DPCD: variants seen among roughly 807,000 people sequenced by gnomAD.
The protein encoded by DPCD is protein DPCD.
A neutral mutation model predicts 26.4 loss-of-function variants in DPCD; 20 were observed. That is an observed-to-expected ratio of 0.76 (90% CI 0.53 to 1.10). The LOEUF (loss-of-function observed/expected upper bound fraction) is 1.10. DPCD is among the 50% of genes least tolerant of loss of function. The pLI is 0.00. For synonymous variants in DPCD, 97 were observed against 94.2 expected (o/e 1.03, Z -0.17); for missense variants, 202 against 253.9 (o/e 0.80, Z 1.39).
chr10:101,592,196 C>G (rs1418056968), intron 1 of DPCD, among the ~76,000 whole-genome samples: 1 of 151,984 alleles, frequency 6.6e-6, no homozygotes, highest in Non-Finnish European at 1.5e-5. Flanking sequence ...AAGGCAGTAA[C>G]CACAAAGAAA....
At position 101,601,346 on chromosome 10, in the gene DPCD, G is replaced by C; in HGVS notation, c.404+10G>C. On this transcript the variant is annotated intron_variant, in intron 4 of 5. Transcript: ENST00000370151. The stretch of plus-strand genomic sequence containing the variant: ...GAACAACCAACAAGAAGTGAGTAGC[G>C]TGGAAGGCACCCTGTGTGCTTGTGT... 6.2e-7 allele frequency: 1 copy of C among 1,613,388 alleles called. No individual in the cohort carries two copies. Among genetic ancestry groups the C allele is most frequent in the Non-Finnish European group, 8.5e-7 (1 of 1,179,652 alleles).
Position 101,600,932 on chromosome 10 carries a change from G to T in DPCD, c.270+70G>T. ...TGGGCTGTGGGCTGCTGGCTCTTGA[G>T]GGCAGGGACCATGTCTTGTTCACCT... On this transcript the variant is annotated intron_variant, in intron 3 of 5. Coordinates refer to ENST00000370151, the MANE Select transcript of DPCD (RefSeq NM_015448.3). The surrounding 1 kb of genome is among the most constrained non-coding windows in gnomAD (Gnocchi z 4.7). 6.2e-7 allele frequency: 1 copy of T among 1,606,014 alleles called. No homozygotes were observed. Among genetic ancestry groups the T allele is most frequent in the South Asian group, 1.1e-5 (1 of 90,078 alleles).
Position 101,600,969 on chromosome 10 carries a change from G to C in DPCD, c.270+107G>C. On this transcript the variant is annotated intron_variant, in intron 3 of 5. Transcript: ENST00000370151. This position sits in a 1 kb window ranked among gnomAD's most constrained non-coding sequence, Gnocchi z 4.7. ...TGTCTTGTTCACCTCCTCGCCTCCA[G>C]TGTGCCACCTGGACACAGCACTCTA... 1.9e-6 allele frequency: 3 copies of C among 1,558,472 alleles called. No homozygotes were observed. Among genetic ancestry groups the C allele is most frequent in the Non-Finnish European group, 2.6e-6 (3 of 1,153,402 alleles).
Position 101,601,289 on chromosome 10 carries a change from T to C in DPCD, c.357T>C (p.Ser119=). 1 of 1,613,848 alleles carries C rather than the reference T, an allele frequency of 6.2e-7. No homozygotes were observed. The highest frequency in any genetic ancestry group is 8.5e-7 in the Non-Finnish European group (1 of 1,179,918). ...ATCCTAAGGATGTCTATAGTGTCTC[T>C]GTGGACCAGAAGGAGCGCTGCATCA... ...LPYPKDVYSV[S]VDQKERCIIV... The change falls in exon 4 of 6, where the codon TCT becomes TCC. Residue 119 remains serine (S), a synonymous_variant. Coordinates refer to ENST00000370151, the MANE Select transcript of DPCD (RefSeq NM_015448.3).
intron 2 of DPCD, among the ~76,000 whole-genome samples, chr10:101,597,948 TC>T (rs1478078983): frequency 6.6e-6 from 1 of 152,228 alleles, no homozygotes; most frequent in African/African-American, 2.4e-5. Flanking sequence ...GAGACTTTCT[TC>T]TACATTCTAA....
At chr10:101,605,360 G>A in intron 4 of DPCD, 1 of 1,238,612 alleles carries the variant, frequency 8.1e-7, no homozygotes, top group Non-Finnish European at 1.1e-6. Flanking sequence ...AGAGAGTGGT[G>A]GGAGGCAATA....
At chr10:101,598,316 T>C (rs901738486) in intron 2 of DPCD, among the ~76,000 whole-genome samples, 97 of 152,146 alleles carry the variant, frequency 6.4e-4, no homozygotes, top group African/African-American at 2.3e-3. Flanking sequence ...GCTTACCCTT[T>C]AAAGGCCAAA....
At chr10:101,589,427 G>A (rs1554919257) in intron 1 of DPCD, among the ~76,000 whole-genome samples, 3 of 152,284 alleles carry the variant, frequency 2.0e-5, no homozygotes, top group Non-Finnish European at 2.9e-5. Context: ...CCCAACAGAA[G>A]TGATGATGTT....
At chr10:101,589,772 T>C (rs555903828) in intron 1 of DPCD, among the ~76,000 whole-genome samples, 1 of 152,270 alleles carries the variant, frequency 6.6e-6, no homozygotes, top group South Asian at 2.1e-4. Context: ...TAATTCCAGC[T>C]ACTCTGGAGG....
At chr10:101,593,263 A>G (rs775250540) in intron 1 of DPCD, among the ~76,000 whole-genome samples, 1 of 152,120 alleles carries the variant, frequency 6.6e-6, no homozygotes, top group Non-Finnish European at 1.5e-5. Context: ...AGCCATCCAA[A>G]TGATTAAGGG....
intron 4 of DPCD, chr10:101,605,056 T>C (rs965376105): frequency 6.5e-7 from 1 of 1,542,756 alleles, no homozygotes; most frequent in Non-Finnish European, 8.8e-7. Context: ...TGTGACTGTC[T>C]AGCAGGGGGC....
chr10:101,588,780 C>G (rs1201648486), intron 1 of DPCD: 4 of 667,866 alleles, frequency 6.0e-6, no homozygotes, highest in African/African-American at 3.9e-5. Flanking sequence ...GGCCTGGGCT[C>G]TAGTTCCGAC....
Position 101,607,645 on chromosome 10 carries a change from G to A in DPCD, c.405-1190G>A, listed in dbSNP as rs189052330. ...CCCAGGGCATAGGGGCTTTTGAAGT[G>A]GACTCAGGGTAGCTGTCACCACAAG... On this transcript the variant is annotated intron_variant, in intron 4 of 5. Coordinates refer to ENST00000370151, the MANE Select transcript of DPCD (RefSeq NM_015448.3). Among the ~76,000 whole-genome samples, 399 of 152,156 alleles carry A rather than the reference G, an allele frequency of 2.6e-3. 2 individuals carry two copies. Among genetic ancestry groups the A allele is most frequent in the South Asian group, 4.0e-3 (19 of 4,808 alleles).
At chr10:101,602,038 G>A (rs1356464135) in intron 4 of DPCD, among the ~76,000 whole-genome samples, 4 of 152,180 alleles carry the variant, frequency 2.6e-5, no homozygotes, top group Non-Finnish European at 5.9e-5. Context: ...AGCCCTGACT[G>A]ATCACAGGAG....
rs533868892 is a variant in DPCD, at chr10:101,609,485, C to T, written c.*14C>T. The T allele has an allele frequency of 1.9e-6, 3 of 1,611,192 alleles. No individual in the cohort carries two copies. In the South Asian group the frequency reaches 3.3e-5, roughly 18 times the overall value. On this transcript the variant is annotated 3_prime_UTR_variant, in exon 6 of 6. Transcript: ENST00000370151. ...AAGACCCAGTAGTTGGCCCCTGAGC[C>T]TTATACCTCCACCACAGGGGGTGCC...
At chr10:101,608,045 A>C (rs1589730503) in intron 4 of DPCD, among the ~76,000 whole-genome samples, 2 of 152,290 alleles carry the variant, frequency 1.3e-5, no homozygotes, top group East Asian at 1.9e-4. Context: ...AGGGGGGTCA[A>C]ATTTCCTGCA....
At chr10:101,604,285 A>AAAGTTAGTG (rs1394532819) in intron 4 of DPCD, among the ~76,000 whole-genome samples, 2 of 152,240 alleles carry the variant, frequency 1.3e-5, no homozygotes, top group Non-Finnish European at 2.9e-5. Context: ...CAGCTTGCTG[A>AAAGTTAGTG]AAGTTAGTGA....
At chr10:101,597,715 G>A (rs1564892963) in intron 2 of DPCD, among the ~76,000 whole-genome samples, 1 of 152,220 alleles carries the variant, frequency 6.6e-6, no homozygotes, top group African/African-American at 2.4e-5. Flanking sequence ...ACACCAGTTT[G>A]GGTTTAACAT....
At position 101,609,524 on chromosome 10, in the gene DPCD, G is replaced by C; in HGVS notation, c.*53G>C. 2 of 1,554,676 alleles carry C rather than the reference G, an allele frequency of 1.3e-6. No individual in the cohort carries two copies. The highest frequency in any genetic ancestry group is 1.4e-5 in the African/African-American group (1 of 73,856). Reference sequence around the variant, plus strand: ...ACAGGGGGTGCCGTGAGACTTCAAGGCTTGGCCCTTCTTGACCACGGCAGC... The same window carrying C: ...ACAGGGGGTGCCGTGAGACTTCAAGCCTTGGCCCTTCTTGACCACGGCAGC... On this transcript the variant is annotated 3_prime_UTR_variant, in exon 6 of 6. Transcript: ENST00000370151.
Sources: allele counts gnomAD v4.1 joint callset (sites outside exome capture counted in the v4.1 genomes callset), GRCh38; gene constraint gnomAD v4.1.1; non-coding constraint Gnocchi (gnomAD v3.1); transcripts MANE v1.5; gene names NCBI Gene and HGNC (gene_info 2026-07-23, HGNC 2026-07-21).